ASTN1: variants seen among roughly 807,000 people sequenced by gnomAD.
ASTN1 encodes astrotactin 1, also known as astrotactin-1.
A neutral mutation model predicts 140.7 loss-of-function variants in ASTN1; 41 were observed. That is an observed-to-expected ratio of 0.29 (90% CI 0.23 to 0.38). The LOEUF (loss-of-function observed/expected upper bound fraction) is 0.38. ASTN1 is among the 10% of genes least tolerant of loss of function. The pLI, the probability that ASTN1 is intolerant of heterozygous loss-of-function variation, is 1.00. For missense variants in ASTN1, 1,479 were observed against 1,678.8 expected, an observed-to-expected ratio of 0.88 and a Z score of 2.08; for synonymous variants, 640 against 652.2, an observed-to-expected ratio of 0.98 and a Z score of 0.29.
intron 1 of ASTN1, among the ~76,000 whole-genome samples, chr1:177,074,281 A>G (rs574356894): frequency 6.6e-6 from 1 of 152,326 alleles, no homozygotes; most frequent in South Asian, 2.1e-4. Flanking sequence ...ACTTTTTAGT[A>G]TAAGGTTCAG....
intron 9 of ASTN1, among the ~76,000 whole-genome samples, chr1:176,958,759 C>T (rs948468458): frequency 4.6e-5 from 7 of 152,178 alleles, no homozygotes; most frequent in African/African-American, 9.7e-5. Flanking sequence ...CAGCTTTCTT[C>T]GGATTTGAAG....
intron 16 of ASTN1, among the ~76,000 whole-genome samples, chr1:176,897,217 G>A (rs1669549229): frequency 7.0e-6 from 1 of 143,186 alleles, no homozygotes. Context: ...GGAGGTTTCA[G>A]TGAGCCGAGA....
rs543651702 is a variant in ASTN1 at position 177,003,337 on chromosome 1, A to T, written c.1523+11454T>A. Among the ~76,000 whole-genome samples the T allele has an allele frequency of 1.8e-4, 28 of 152,284 alleles. No homozygotes were observed. In the South Asian group the frequency reaches 5.2e-3, roughly 28 times the overall value. On this transcript the variant is annotated intron_variant, in intron 8 of 22. Coordinates refer to ENST00000361833, the MANE Select transcript of ASTN1 (RefSeq NM_004319.3). ...CCTAGGGATGCAGAAATTGTTCAAC[A>T]TATGCAAGTCAATAAATGTGATTCA... is the stretch of plus-strand genomic sequence containing the variant.
At chr1:177,100,583 T>C (rs949624298) in intron 1 of ASTN1, among the ~76,000 whole-genome samples, 1 of 151,190 alleles carries the variant, frequency 6.6e-6, no homozygotes, top group Non-Finnish European at 1.5e-5. Context: ...GAAAATATTT[T>C]GCCTTCAGGA....
intron 2 of ASTN1, among the ~76,000 whole-genome samples, chr1:177,034,265 ACAC>A (rs1401471367): frequency 6.6e-6 from 1 of 151,560 alleles, no homozygotes; most frequent in African/African-American, 2.4e-5. Flanking sequence ...ACACACACAC[ACAC>A]ACACACACAC....
chr1:176,925,525 A>G (rs1670918634), intron 16 of ASTN1, among the ~76,000 whole-genome samples: 1 of 152,154 alleles, frequency 6.6e-6, no homozygotes. Context: ...AGAGACAAAA[A>G]CTATTCCAAC....
intron 2 of ASTN1, among the ~76,000 whole-genome samples, chr1:177,044,178 C>A (rs1471670524): frequency 2.8e-5 from 4 of 145,180 alleles, no homozygotes; most frequent in Non-Finnish European, 4.5e-5. Context: ...AAAAAAAATA[C>A]ACACACACAC....
intron 8 of ASTN1, among the ~76,000 whole-genome samples, chr1:177,006,974 C>T (rs1675031124): frequency 1.3e-5 from 2 of 152,210 alleles, no homozygotes. Context: ...TCACATTGCT[C>T]TCTCTTTTAA....
At chr1:176,998,344 G>A (rs1428837938) in intron 8 of ASTN1, among the ~76,000 whole-genome samples, 3 of 152,158 alleles carry the variant, frequency 2.0e-5, no homozygotes, top group Non-Finnish European at 4.4e-5. Context: ...AAAGCACCCA[G>A]AAGAGTGTCT....
intron 16 of ASTN1, among the ~76,000 whole-genome samples, chr1:176,904,554 C>T (rs1669905231): frequency 6.6e-6 from 1 of 152,098 alleles, no homozygotes; most frequent in African/African-American, 2.4e-5. Flanking sequence ...TCTCCATTAG[C>T]AGAAAGACAA....
intron 21 of ASTN1, among the ~76,000 whole-genome samples, chr1:176,871,308 G>T (rs998825804): frequency 9.3e-4 from 141 of 152,278 alleles, no homozygotes; most frequent in East Asian, 2.9e-3. Flanking sequence ...AATGACCGGG[G>T]GAGGAAAAAT....
Position 176,864,326 on chromosome 1 carries a change from C to A in ASTN1, c.3843G>T (p.Leu1281=). ...DLRKTCEEQT[L]SIPYNDYGDS... The stretch of plus-strand genomic sequence containing the variant: ...CCCCATAGTCGTTGTAGGGGATACT[C>A]AGGGTCTGCTCCTCACACGTCTTCC... The change falls in exon 23 of 23, where the codon CTG becomes CTT. Residue 1281 remains leucine (L), a synonymous_variant. Coordinates refer to ENST00000361833, the MANE Select transcript of ASTN1 (RefSeq NM_004319.3). 7 of 1,614,160 alleles carry A rather than the reference C, an allele frequency of 4.3e-6. No individual in the cohort carries two copies. The highest frequency in any genetic ancestry group is 5.9e-6 in the Non-Finnish European group (7 of 1,180,020).
intron 16 of ASTN1, among the ~76,000 whole-genome samples, chr1:176,906,670 A>C (rs1164093554): frequency 6.6e-6 from 1 of 151,980 alleles, no homozygotes; most frequent in East Asian, 1.9e-4. Flanking sequence ...CCTGGCCGAC[A>C]AGGTAAAACC....
chr1:177,002,376 A>AACAC (rs3979529), intron 8 of ASTN1, among the ~76,000 whole-genome samples: 55 of 148,678 alleles, frequency 3.7e-4, no homozygotes, highest in Admixed American at 6.7e-4. Context: ...CTTACACACA[A>AACAC]ACACACACAC....
rs2102137814 is a variant in ASTN1, at chr1:177,104,448, G to A, written c.284-43183C>T. ...AGTCCCTTAATAATTTATTCATAAT[G>A]TTATTAAAACAAAGTCATGTTTTAT... On this transcript the variant is annotated intron_variant, in intron 1 of 22. Transcript: ENST00000361833. Among the ~76,000 whole-genome samples, 3 of 152,240 alleles carry A rather than the reference G, an allele frequency of 2.0e-5. No homozygotes were observed. In the Middle Eastern group the frequency reaches 0.01, roughly 518 times the overall value.
chr1:177,028,473 G>C (rs542693741), intron 5 of ASTN1, among the ~76,000 whole-genome samples: 1 of 152,210 alleles, frequency 6.6e-6, no homozygotes, highest in East Asian at 1.9e-4. Context: ...TAATCAAAAG[G>C]GCTTCTTCAA....
At chr1:176,909,575 C>T (rs1466293215) in intron 16 of ASTN1, among the ~76,000 whole-genome samples, 2 of 152,162 alleles carry the variant, frequency 1.3e-5, no homozygotes, top group Non-Finnish European at 2.9e-5. Flanking sequence ...TTTGGTCCCC[C>T]AAGCCAACCT....
intron 1 of ASTN1, among the ~76,000 whole-genome samples, chr1:177,109,409 A>G (rs2102150554): frequency 6.6e-6 from 1 of 152,166 alleles, no homozygotes; most frequent in African/African-American, 2.4e-5. Flanking sequence ...TTTAAGGGAG[A>G]GAAATCACAC....
At chr1:176,897,729 G>C (rs192394993) in intron 16 of ASTN1, among the ~76,000 whole-genome samples, 1 of 152,110 alleles carries the variant, frequency 6.6e-6, no homozygotes, top group South Asian at 2.1e-4. Flanking sequence ...TTACCCGACA[G>C]AGAAAAATAT....
Sources: gnomAD v4.1 joint callset for allele counts (sites outside exome capture counted in the v4.1 genomes callset) on GRCh38, gnomAD v4.1.1 for gene constraint, MANE v1.5 for transcripts, NCBI Gene and HGNC (gene_info 2026-07-23, HGNC 2026-07-21) for gene names.